Variants in DENND2B observed in about 807,000 individuals in gnomAD.
DENND2B encodes the protein DENN domain-containing protein 2B.
A neutral mutation model predicts 116.0 loss-of-function variants in DENND2B; 32 were observed. The observed-to-expected ratio is 0.28, with a 90% CI of 0.21 to 0.37. The LOEUF is 0.37. Among genes scored for constraint, DENND2B ranks in the 10% least tolerant of loss-of-function variants. The probability of loss-of-function intolerance (pLI) is 1.00; values close to 1 mark genes in which losing one functional copy is unlikely to be tolerated. For synonymous variants in DENND2B, 588 were observed against 583.9 expected, an observed-to-expected ratio of 1.01 and a Z score of -0.10; for missense variants, 1,276 against 1,477.7, an observed-to-expected ratio of 0.86 and a Z score of 2.24.
intron 2 of DENND2B, among the ~76,000 whole-genome samples, chr11:8,868,645 T>C (rs954739519): frequency 1.3e-5 from 2 of 152,202 alleles, no homozygotes; most frequent in African/African-American, 2.4e-5. Context: ...AGAGCAACAA[T>C]ACCTATGTCA....
chr11:8,778,147 GCAGAA>G (rs1394505208), intron 1 of DENND2B, among the ~76,000 whole-genome samples: 1 of 152,200 alleles, frequency 6.6e-6, no homozygotes, highest in African/African-American at 2.4e-5. Flanking sequence ...CCTTGAAAGG[GCAGAA>G]CAGAAGGAAA....
intron 4 of DENND2B, among the ~76,000 whole-genome samples, chr11:8,816,082 C>T (rs565269088): frequency 6.6e-6 from 1 of 152,284 alleles, no homozygotes; most frequent in South Asian, 2.1e-4. Flanking sequence ...ACTTTGGGAT[C>T]AAAGAAATTC....
intron 1 of DENND2B, chr11:8,784,576 G>A (rs950072807): frequency 6.6e-6 from 1 of 152,270 alleles, no homozygotes; most frequent in Admixed American, 6.5e-5. Context: ...AGTGGCTCAT[G>A]CCTGTAATCC....
At chr11:8,781,607 T>C (rs1229852352) in intron 1 of DENND2B, among the ~76,000 whole-genome samples, 1 of 121,202 alleles carries the variant, frequency 8.3e-6, no homozygotes, top group Non-Finnish European at 1.7e-5. Flanking sequence ...TGGAAAACAA[T>C]TTAGGAATAC....
chr11:8,748,201 G>C (rs1368518812), intron 2 of DENND2B, among the ~76,000 whole-genome samples: 1 of 152,120 alleles, frequency 6.6e-6, no homozygotes, highest in African/African-American at 2.4e-5. Flanking sequence ...GTCACACCGA[G>C]GAGTCTCCTC....
intron 4 of DENND2B, among the ~76,000 whole-genome samples, chr11:8,817,644 C>A (rs777428445): frequency 1.3e-5 from 2 of 152,126 alleles, no homozygotes; most frequent in Admixed American, 6.5e-5. Context: ...TGCTAGGTTG[C>A]GCCCCCTCTC....
At chr11:8,768,383 A>G (rs936376753) in intron 1 of DENND2B, among the ~76,000 whole-genome samples, 1 of 152,184 alleles carries the variant, frequency 6.6e-6, no homozygotes, top group African/African-American at 2.4e-5. Flanking sequence ...AGTGGCTGGG[A>G]CTACAGGTGC....
rs2042271026 is a variant in DENND2B, at chr11:8,704,592, T to G, written c.2572-1872A>C. The stretch of plus-strand genomic sequence containing the variant: ...CACTGCTCAGCAAGCCTGGTATGCT[T>G]TTTTGGTCAGTCCCTCTCCCACTCT... On this transcript the variant is annotated intron_variant, in intron 13 of 19. Transcript: ENST00000313726. 2.0e-5 allele frequency among the ~76,000 whole-genome samples: 3 copies of G among 152,354 alleles called. No individual in the cohort carries two copies. In the South Asian group the frequency reaches 6.2e-4, roughly 32 times the overall value.
At chr11:8,805,673 C>T (rs1432923288) in intron 1 of DENND2B, among the ~76,000 whole-genome samples, 1 of 152,160 alleles carries the variant, frequency 6.6e-6, no homozygotes, top group Non-Finnish European at 1.5e-5. Flanking sequence ...GTCATTAACC[C>T]TACCATCAAA....
chr11:8,795,618 G>T (rs1259980210), intron 1 of DENND2B, among the ~76,000 whole-genome samples: 1 of 152,054 alleles, frequency 6.6e-6, no homozygotes, highest in Admixed American at 6.6e-5. Context: ...AATTTTGAGG[G>T]ACTGGAATAT....
chr11:8,899,995 A>G (rs1304505109), intron 1 of DENND2B, among the ~76,000 whole-genome samples: 2 of 152,170 alleles, frequency 1.3e-5, no homozygotes, highest in African/African-American at 4.8e-5. Flanking sequence ...AGTTTATATC[A>G]ATCAGTAGAT....
intron 2 of DENND2B, among the ~76,000 whole-genome samples, chr11:8,857,845 T>G (rs2063248609): frequency 6.6e-6 from 1 of 152,236 alleles, no homozygotes; most frequent in Admixed American, 6.5e-5. Flanking sequence ...AACAGAAAGA[T>G]TGGACTAGTT....
intron 1 of DENND2B, among the ~76,000 whole-genome samples, chr11:8,806,371 G>T (rs1358527325): frequency 6.6e-6 from 1 of 152,128 alleles, no homozygotes; most frequent in Non-Finnish European, 1.5e-5. Context: ...GAATAGGTCT[G>T]CTTTGGTTAA....
chr11:8,756,721 C>T (rs1050039587), intron 1 of DENND2B, among the ~76,000 whole-genome samples: 5 of 152,192 alleles, frequency 3.3e-5, no homozygotes, highest in Admixed American at 6.5e-5. Context: ...CACCATTTCT[C>T]CCCACCTCCT....
intron 4 of DENND2B, among the ~76,000 whole-genome samples, chr11:8,821,134 A>T (rs2061746489): frequency 2.7e-5 from 4 of 148,680 alleles, no homozygotes; most frequent in Admixed American, 6.7e-5. Context: ...AAAAAAAAAA[A>T]TTAATTAATT....
At chr11:8,886,730 A>G (rs2063965068) in intron 1 of DENND2B, among the ~76,000 whole-genome samples, 2 of 152,068 alleles carry the variant, frequency 1.3e-5, no homozygotes, top group South Asian at 4.1e-4. Context: ...ATCACGGCTC[A>G]ACAAACATGT....
At chr11:8,838,363 A>G (rs984292272) in intron 4 of DENND2B, among the ~76,000 whole-genome samples, 1 of 152,180 alleles carries the variant, frequency 6.6e-6, no homozygotes, top group Non-Finnish European at 1.5e-5. Context: ...AACTAGTAAC[A>G]CTGCAGGGAT....
At chr11:8,774,177 T>C in intron 1 of DENND2B, 4 of 985,492 alleles carry the variant, frequency 4.1e-6, no homozygotes, top group Non-Finnish European at 4.8e-6. Flanking sequence ...TCAGTCAGCC[T>C]TCACGTTGGG....
intron 6 of DENND2B, 54 bp from the exon 7 acceptor site, chr11:8,714,760 T>A: frequency 6.7e-7 from 1 of 1,481,896 alleles, no homozygotes; most frequent in African/African-American, 1.4e-5. Flanking sequence ...CTGCCCTACT[T>A]CCAAGAAGGC....
Sources: gnomAD v4.1 joint callset for allele counts (sites outside exome capture counted in the v4.1 genomes callset) on GRCh38, gnomAD v4.1.1 for gene constraint, MANE v1.5 for transcripts, NCBI Gene and HGNC (gene_info 2026-07-23, HGNC 2026-07-21) for gene names.